The following FAM78A variants were observed in gnomAD, a reference collection of about 807,000 sequenced individuals.
FAM78A encodes the protein family with sequence similarity 78 member A.
In FAM78A, 12 loss-of-function variants were observed where a neutral mutation model predicts 22.6. The ratio of observed to expected loss-of-function variants is 0.53; its 90% CI spans 0.34 to 0.86. FAM78A has a LOEUF of 0.86. Among genes scored for constraint, FAM78A ranks in the 40% least tolerant of loss-of-function variants. FAM78A has a pLI of 0.02. For synonymous variants in FAM78A, 151 were observed against 155.8 expected (o/e 0.97, Z 0.23); for missense variants, 322 against 396.1 (o/e 0.81, Z 1.59).
Position 131,269,552 on chromosome 9 carries a change from C to T in FAM78A, c.323+6305G>A, listed in dbSNP as rs140036908. On this transcript the variant is annotated intron_variant, in intron 1 of 1. Coordinates refer to ENST00000372271, the MANE Select transcript of FAM78A (RefSeq NM_033387.4). ...AGTGCAGTGGCGTGATCTCGGCTCA[C>T]GGTAACCTCCACCTCCCAGGTTCAA... 4.7e-3 allele frequency among the ~76,000 whole-genome samples: 713 copies of T among 152,088 alleles called. 7 individuals are homozygous for T. Among genetic ancestry groups the T allele is most frequent in the African/African-American group, 0.016 (681 of 41,442 alleles).
At position 131,258,132 on chromosome 9, in the gene FAM78A, T is replaced by TA. The variant is rs34529035; in HGVS notation, c.*2689dup. ...ATGAATATTTGCTTTTTGTTTTTTG[T>TA]AAAAAAAAAAAGGTTCATTGTACAT... On this transcript the variant is annotated 3_prime_UTR_variant, in exon 2 of 2. Transcript: ENST00000372271. 0.94 allele frequency: 139,955 copies of TA among 149,650 alleles called. 65,876 individuals are homozygous for TA. Among genetic ancestry groups the TA allele is most frequent in the East Asian group, 0.99 (5,071 of 5,110 alleles). 9.3% of individuals were successfully genotyped at this position (149,650 alleles called of 1,614,324 possible).
At chr9:131,277,208 G>GGGGGGCGAGCGGCTGCCGCTGCA (rs1835498275), upstream of FAM78A, among the ~76,000 whole-genome samples, 2 of 151,642 alleles carry the variant, frequency 1.3e-5, no homozygotes, top group African/African-American at 4.8e-5. This position sits in a 1 kb window ranked among gnomAD's most constrained non-coding sequence, Gnocchi z 8.4. Context: ...CGGGCGGGGT[G>GGGGGGCGAGCGGCTGCCGCTGCA]GGGGGCGAGC....
At chr9:131,267,091 A>C (rs1336210554) in intron 1 of FAM78A, among the ~76,000 whole-genome samples, 1 of 152,130 alleles carries the variant, frequency 6.6e-6, no homozygotes, top group Non-Finnish European at 1.5e-5. Flanking sequence ...GAGGAGACTT[A>C]CGGCAGTGAG....
At chr9:131,270,356 G>A (rs951422886) in intron 1 of FAM78A, 12 of 717,408 alleles carry the variant, frequency 1.7e-5, no homozygotes, top group African/African-American at 1.2e-4. Flanking sequence ...CACTGGGCAC[G>A]ACTGATCTTT....
chr9:131,272,308 T>A lies in FAM78A; in HGVS notation c.323+3549A>T, dbSNP rs1398897784. 6.6e-6 allele frequency among the ~76,000 whole-genome samples: 1 copy of A among 152,202 alleles called. No individual in the cohort carries two copies. Among genetic ancestry groups the A allele is most frequent in the Non-Finnish European group, 1.5e-5 (1 of 68,028 alleles). On this transcript the variant is annotated intron_variant, in intron 1 of 1. Coordinates refer to ENST00000372271, the MANE Select transcript of FAM78A (RefSeq NM_033387.4). This position sits in a 1 kb window ranked among gnomAD's most constrained non-coding sequence, Gnocchi z 4.1. The stretch of plus-strand genomic sequence containing the variant: ...AATTGTCTGGGTCAAGTCCAGTGGT[T>A]CTCCACTAGGTGTGATTTCATAGCC...
At chr9:131,276,862 C>T (rs2131199640), upstream of FAM78A, among the ~76,000 whole-genome samples, 1 of 149,256 alleles carries the variant, frequency 6.7e-6, no homozygotes, top group South Asian at 2.1e-4. This position sits in a 1 kb window ranked among gnomAD's most constrained non-coding sequence, Gnocchi z 4.3. Flanking sequence ...GTCCCTTCGC[C>T]GCTGTCGCTG....
chr9:131,270,751 G>A (rs537479668), intron 1 of FAM78A, among the ~76,000 whole-genome samples: 1 of 152,190 alleles, frequency 6.6e-6, no homozygotes, highest in African/African-American at 2.4e-5. Flanking sequence ...AGGCCACGTG[G>A]TCAACAGGGA....
chr9:131,267,424 C>T (rs984867104), intron 1 of FAM78A, among the ~76,000 whole-genome samples: 1 of 152,094 alleles, frequency 6.6e-6, no homozygotes, highest in African/African-American at 2.4e-5. Context: ...CCCAGCTACT[C>T]GAGAAGCTAA....
In FAM78A at chr9:131,265,835, C is replaced by T. The variant is rs1180808573; in HGVS notation, c.324-4485G>A. On this transcript the variant is annotated intron_variant, in intron 1 of 1. Coordinates refer to ENST00000372271, the MANE Select transcript of FAM78A (RefSeq NM_033387.4). This position sits in a 1 kb window ranked among gnomAD's most constrained non-coding sequence, Gnocchi z 4.3. ...CTGTGGGCAGAGGCAGGCAGAGCCA[C>T]CTGTCACACTCCCATCCTCCTAGGG... Among the ~76,000 whole-genome samples, 1 of 152,174 alleles carries T rather than the reference C, an allele frequency of 6.6e-6. No homozygotes were observed. Among genetic ancestry groups the T allele is most frequent in the Non-Finnish European group, 1.5e-5 (1 of 68,026 alleles).
At chr9:131,280,343 G>A (rs1263719339), upstream of FAM78A, among the ~76,000 whole-genome samples, 1 of 152,208 alleles carries the variant, frequency 6.6e-6, no homozygotes, top group African/African-American at 2.4e-5. Context: ...CTCCGTGGGT[G>A]TTGGGCACAG....
At chr9:131,270,225 C>T (rs1475754845) in intron 1 of FAM78A, 10 of 713,196 alleles carry the variant, frequency 1.4e-5, no homozygotes, top group Non-Finnish European at 2.1e-5. Context: ...GTACAACCAC[C>T]GAGCTGAAGG....
rs1328140184 is a variant in FAM78A, at chr9:131,275,325, T to C, written c.323+532A>G. On this transcript the variant is annotated intron_variant, in intron 1 of 1. Transcript: ENST00000372271. This position sits in a 1 kb window ranked among gnomAD's most constrained non-coding sequence, Gnocchi z 4.6. The stretch of plus-strand genomic sequence containing the variant: ...ACTGTGCTCTCAAACACAGTGCCGT[T>C]TGGAACGGGGAAGCACTCCCCCAGC... 1.3e-5 allele frequency among the ~76,000 whole-genome samples: 2 copies of C among 152,232 alleles called. No homozygotes were observed. Among genetic ancestry groups the C allele is most frequent in the African/African-American group, 4.8e-5 (2 of 41,452 alleles).
intron 1 of FAM78A, among the ~76,000 whole-genome samples, chr9:131,270,866 TC>T (rs1835410753): frequency 6.6e-6 from 1 of 152,088 alleles, no homozygotes; most frequent in African/African-American, 2.4e-5. Context: ...AATGAGGCCT[TC>T]CTGAGCTCCT....
chr9:131,277,728 G>A (rs1456785742), upstream of FAM78A, among the ~76,000 whole-genome samples: 1 of 150,598 alleles, frequency 6.6e-6, no homozygotes, highest in Non-Finnish European at 1.5e-5. The surrounding 1 kb of genome is among the most constrained non-coding windows in gnomAD (Gnocchi z 8.4). Flanking sequence ...TTGGGGCTTC[G>A]GGGGGGCGGC....
chr9:131,260,984 C>T lies in FAM78A; in HGVS notation c.690G>A (p.Arg230=). Residue 230 remains arginine, a synonymous_variant, in exon 2 of 2, where the codon CGG becomes CGA. Transcript: ENST00000372271. This position sits in a 1 kb window ranked among gnomAD's most constrained non-coding sequence, Gnocchi z 5.4. ...GGTCCTGGGCGATGGGCTCCCGCAG[C>T]CGGGCGCGCTGGCCCAGGGGCCGGT... ...NPNRPLGQRA[R]LREPIAQDQP... 6.2e-7 allele frequency: 1 copy of T among 1,613,206 alleles called. No individual in the cohort carries two copies. Among genetic ancestry groups the T allele is most frequent in the South Asian group, 1.1e-5 (1 of 91,012 alleles).
In FAM78A at chr9:131,261,036, A is replaced by G; in HGVS notation, c.638T>C (p.Met213Thr). 1.2e-6 allele frequency: 2 copies of G among 1,614,068 alleles called. No individual in the cohort carries two copies. The highest frequency in any genetic ancestry group is 1.7e-6 in the Non-Finnish European group (2 of 1,180,006). Residue 213 changes from methionine (M) to threonine (T), a missense_variant, in exon 2 of 2, where the codon ATG becomes ACG. Physicochemically the swap from Met to Thr is moderately conservative, Grantham distance 81. Coordinates refer to ENST00000372271, the MANE Select transcript of FAM78A (RefSeq NM_033387.4). The surrounding 1 kb of genome is among the most constrained non-coding windows in gnomAD (Gnocchi z 7.1). ...GGGGTTCACCTCGATGCTGAGCTGC[A>G]TGCGCCAGTGCAGCGTCTGCAGGAT... Reference protein sequence around the residue: ...MIILQTLHWRMQLSIEVNPNR... With the variant: ...MIILQTLHWRTQLSIEVNPNR...
At chr9:131,277,256 T>G (rs112840483), upstream of FAM78A, among the ~76,000 whole-genome samples, 55,194 of 151,772 alleles carry the variant, frequency 0.36, 10,457 homozygotes, top group East Asian at 0.52. This position sits in a 1 kb window ranked among gnomAD's most constrained non-coding sequence, Gnocchi z 8.4. Flanking sequence ...CTTGCCCTGC[T>G]CTGTCCCCAC....
At chr9:131,277,211 G>A (rs1427927209), upstream of FAM78A, among the ~76,000 whole-genome samples, 6 of 151,792 alleles carry the variant, frequency 4.0e-5, no homozygotes, top group African/African-American at 7.2e-5. The surrounding 1 kb of genome is among the most constrained non-coding windows in gnomAD (Gnocchi z 8.4). Flanking sequence ...GCGGGGTGGG[G>A]GGCGAGCGGC....
At chr9:131,263,616 T>A (rs563097273) in intron 1 of FAM78A, 11 of 169,086 alleles carry the variant, frequency 6.5e-5, no homozygotes, top group Admixed American at 2.6e-4. Flanking sequence ...AAAAAAAAAA[T>A]TAATAATAAA....
Sources: gnomAD v4.1 joint callset for allele counts (sites outside exome capture counted in the v4.1 genomes callset) on GRCh38, gnomAD v4.1.1 for gene constraint, Gnocchi (gnomAD v3.1) non-coding constraint, MANE v1.5 for transcripts, NCBI Gene and HGNC (gene_info 2026-07-23, HGNC 2026-07-21) for gene names.